The following FRMD1 variants were observed in gnomAD, a reference collection of about 807,000 sequenced individuals.
The protein encoded by FRMD1 is FERM domain-containing protein 1.
FRMD1 carries 51 observed loss-of-function variants against 54.9 expected under a neutral mutation model. The ratio of observed to expected loss-of-function variants is 0.93; its 90% CI spans 0.74 to 1.17. FRMD1 has a LOEUF of 1.17. FRMD1 is among the 50% of genes most tolerant of loss of function. FRMD1 has a pLI of 0.00. For missense variants in FRMD1, 729 were observed against 743.0 expected, an observed-to-expected ratio of 0.98 and a Z score of 0.22; for synonymous variants, 324 against 306.4, an observed-to-expected ratio of 1.06 and a Z score of -0.60.
intron 1 of FRMD1, among the ~76,000 whole-genome samples, chr6:168,088,202 G>T (rs528042964): frequency 1.3e-5 from 2 of 152,214 alleles, no homozygotes; most frequent in Non-Finnish European, 2.9e-5. Context: ...GGGATGCTCC[G>T]GCTGGGGTCT....
chr6:168,091,835 C>T (rs6455483), intron 1 of FRMD1, among the ~76,000 whole-genome samples: 68,809 of 152,098 alleles, frequency 0.45, 16,609 homozygotes, highest in African/African-American at 0.61. Context: ...CCCCAGGTCC[C>T]AGACTAATAG....
intron 6 of FRMD1, 45 bp downstream of exon 6, chr6:168,063,556 C>G: frequency 6.4e-7 from 1 of 1,557,608 alleles, no homozygotes; most frequent in Admixed American, 1.8e-5. Flanking sequence ...GCATCCCTGG[C>G]CTGGAGTCAG....
At chr6:168,088,203 G>C (rs1484327206) in intron 1 of FRMD1, among the ~76,000 whole-genome samples, 1 of 152,206 alleles carries the variant, frequency 6.6e-6, no homozygotes, top group African/African-American at 2.4e-5. Context: ...GGATGCTCCG[G>C]CTGGGGTCTC....
chr6:168,064,097 G>A (rs73028322), intron 5 of FRMD1, among the ~76,000 whole-genome samples: 5,465 of 152,310 alleles, frequency 0.036, 106 homozygotes, highest in East Asian at 0.061. Context: ...CACCGGGACC[G>A]GGGTAAGAAT....
intron 6 of FRMD1, 122 bp from the exon 7 acceptor site, chr6:168,063,081 C>A: frequency 1.3e-6 from 1 of 781,750 alleles, no homozygotes; most frequent in Non-Finnish European, 2.3e-6. Flanking sequence ...GCTCTGGGGC[C>A]CATTTACAGA....
upstream of FRMD1, among the ~76,000 whole-genome samples, chr6:168,085,459 C>T (rs1800901403): frequency 6.6e-6 from 1 of 152,248 alleles, no homozygotes; most frequent in African/African-American, 2.4e-5. Context: ...CTGGGCACTC[C>T]AGCCCCTGGG....
chr6:168,089,689 T>C (rs1583215789), intron 1 of FRMD1, among the ~76,000 whole-genome samples: 1 of 152,192 alleles, frequency 6.6e-6, no homozygotes, highest in Non-Finnish European at 1.5e-5. Context: ...CCCTGGGAAG[T>C]TCCTGAGGGC....
At chr6:168,077,290 G>A (rs547270694) in intron 1 of FRMD1, among the ~76,000 whole-genome samples, 1 of 151,106 alleles carries the variant, frequency 6.6e-6, no homozygotes, top group Admixed American at 6.6e-5. Context: ...ATGGGGGGGG[G>A]TTCTTGTCTA....
chr6:168,090,009 CG>C (rs754356787), intron 1 of FRMD1, among the ~76,000 whole-genome samples: 1 of 152,136 alleles, frequency 6.6e-6, no homozygotes, highest in Non-Finnish European at 1.5e-5. Context: ...CTGTAGGATG[CG>C]GGACTCAGTC....
chr6:168,081,555 G>C, upstream of FRMD1: 2 of 1,492,650 alleles, frequency 1.3e-6, no homozygotes, highest in Non-Finnish European at 1.8e-6. Context: ...TCATGAGATA[G>C]ATAGAGGCCT....
At chr6:168,081,180 T>A (rs1800820237), upstream of FRMD1, among the ~76,000 whole-genome samples, 1 of 152,058 alleles carries the variant, frequency 6.6e-6, no homozygotes. Flanking sequence ...AGCGCGGCTT[T>A]TTCCTGAAAA....
upstream of FRMD1, among the ~76,000 whole-genome samples, chr6:168,083,629 G>C (rs1176282348): frequency 1.3e-5 from 2 of 152,240 alleles, no homozygotes; most frequent in Admixed American, 6.5e-5. Context: ...TGGGCACAGA[G>C]CAGACTTGAA....
chr6:168,060,950 G>A lies in FRMD1; in HGVS notation c.1153C>T (p.Leu385Phe), dbSNP rs1215673357. The change falls in exon 9 of 11, where the codon CTC (leucine) becomes TTC (phenylalanine). Residue 385 changes from leucine to phenylalanine, a missense_variant. Transcript: ENST00000283309. ...TGGCTGTCGGCGGAGTGGCGTGAGA[G>A]GCAGTGGGGGCAGTGCTGGCTGCTG... ...GVSSQHCPHC[L>F]SRHSADSHGS... The A allele has an allele frequency of 1.2e-6, 2 of 1,613,394 alleles. No individual in the cohort carries two copies. The highest frequency in any genetic ancestry group is 1.7e-6 in the Non-Finnish European group (2 of 1,180,022).
chr6:168,085,184 G>A (rs1244899380), upstream of FRMD1, among the ~76,000 whole-genome samples: 2 of 152,264 alleles, frequency 1.3e-5, no homozygotes, highest in Admixed American at 1.3e-4. Context: ...AGGATGCAGG[G>A]GTGACCTGGA....
At position 168,060,760 on chromosome 6, in the gene FRMD1, C is replaced by A. The variant is rs1259985134; in HGVS notation, c.1342+1G>T. ...GGCCTGGGCATCTCCCTCGGGCCCA[C>A]CTTGGCTGTCACCACGTGTGCTGGG... On this transcript the variant is annotated splice_donor_variant, in intron 9 of 10. Coordinates refer to ENST00000283309, the MANE Select transcript of FRMD1 (RefSeq NM_024919.6). LOFTEE classifies it high-confidence loss of function. 6.2e-7 allele frequency: 1 copy of A among 1,606,300 alleles called. No homozygotes were observed. The highest frequency in any genetic ancestry group is 8.5e-7 in the Non-Finnish European group (1 of 1,174,838).
chr6:168,081,284 A>G (rs1800822516), upstream of FRMD1: 7 of 1,416,144 alleles, frequency 4.9e-6, no homozygotes, highest in South Asian at 1.0e-4. Flanking sequence ...GCTCATCAAG[A>G]AGACAACTTT....
Position 168,065,075 on chromosome 6 carries a change from G to T in FRMD1, c.462-18C>A. 1 of 1,591,914 alleles carries T rather than the reference G, an allele frequency of 6.3e-7. No homozygotes were observed. On this transcript the variant is annotated intron_variant, in intron 4 of 10. Coordinates refer to ENST00000283309, the MANE Select transcript of FRMD1 (RefSeq NM_024919.6). ...TGTGGTCGCTGGAAGGTGGCAGGGAGTGAGTTCCAGGACGACCGGTGTGGG... is the reference window on the plus strand; with the variant it reads ...TGTGGTCGCTGGAAGGTGGCAGGGATTGAGTTCCAGGACGACCGGTGTGGG...
intron 3 of FRMD1, 99 bp downstream of exon 3, chr6:168,067,268 C>T (rs1294256807): frequency 1.3e-6 from 1 of 786,106 alleles, no homozygotes; most frequent in Non-Finnish European, 2.2e-6. Context: ...TCCCCCACAG[C>T]CCACCGCGGT....
intron 4 of FRMD1, chr6:168,065,646 TC>T: frequency 1.0e-6 from 1 of 986,224 alleles, no homozygotes; most frequent in Non-Finnish European, 1.2e-6. Context: ...TCCAGAACCT[TC>T]CACATATTCA....
Sources: allele counts gnomAD v4.1 joint callset (sites outside exome capture counted in the v4.1 genomes callset), GRCh38; gene constraint gnomAD v4.1.1; transcripts MANE v1.5; gene names NCBI Gene and HGNC (gene_info 2026-07-23, HGNC 2026-07-21).